TMTC4: variants seen among roughly 807,000 people sequenced by gnomAD.
The protein encoded by TMTC4 is protein O-mannosyl-transferase TMTC4.
In TMTC4, 65 loss-of-function variants were observed where a neutral mutation model predicts 86.0. The observed-to-expected ratio is 0.76, with a 90% CI of 0.62 to 0.93. The LOEUF is 0.93. Ranked by LOEUF, TMTC4 falls within the 40% of genes least tolerant of loss-of-function variation. The probability of loss-of-function intolerance (pLI) is 0.00; values close to 1 mark genes in which losing one functional copy is unlikely to be tolerated. For missense variants in TMTC4, 866 were observed against 948.1 expected, an observed-to-expected ratio of 0.91 and a Z score of 1.14; for synonymous variants, 379 against 382.5, an observed-to-expected ratio of 0.99 and a Z score of 0.11.
At chr13:100,632,938 C>G (rs1295153170) in intron 12 of TMTC4, among the ~76,000 whole-genome samples, 6 of 152,116 alleles carry the variant, frequency 3.9e-5, no homozygotes, top group Non-Finnish European at 8.8e-5. Flanking sequence ...TTCTTCTAAC[C>G]TAACCCCTTG....
chr13:100,634,695 G>T (rs1018027678), intron 12 of TMTC4, 110 bp downstream of exon 12: 7 of 1,327,064 alleles, frequency 5.3e-6, no homozygotes, highest in Non-Finnish European at 7.0e-6. Flanking sequence ...CAAGTATTCG[G>T]TCATGGTCTT....
chr13:100,660,414 C>T (rs1296750450), intron 5 of TMTC4, among the ~76,000 whole-genome samples: 1 of 151,958 alleles, frequency 6.6e-6, no homozygotes, highest in East Asian at 1.9e-4. Context: ...TTACTGTCTC[C>T]TAATAAATGT....
intron 12 of TMTC4, among the ~76,000 whole-genome samples, chr13:100,632,132 A>G (rs1881539308): frequency 6.6e-6 from 1 of 150,712 alleles, no homozygotes; most frequent in Non-Finnish European, 1.5e-5. Context: ...CCACAAGCAC[A>G]CGCCCTGTGT....
At chr13:100,625,936 A>C in intron 13 of TMTC4, 44 bp from the exon 14 acceptor site, 1 of 1,600,456 alleles carries the variant, frequency 6.2e-7, no homozygotes, top group Non-Finnish European at 8.5e-7. Context: ...AATGCTCAAT[A>C]GTAAGTTTTT....
intron 5 of TMTC4, among the ~76,000 whole-genome samples, chr13:100,659,448 A>G (rs1347356958): frequency 6.6e-6 from 1 of 152,060 alleles, no homozygotes; most frequent in Non-Finnish European, 1.5e-5. Flanking sequence ...CAGAACTCTT[A>G]AGGGGGCCTG....
At chr13:100,661,294 CGT>C (rs771147429) in intron 5 of TMTC4, among the ~76,000 whole-genome samples, 3 of 152,102 alleles carry the variant, frequency 2.0e-5, no homozygotes, top group Non-Finnish European at 4.4e-5. Flanking sequence ...AGAATGTGTG[CGT>C]GTGAGTGTGT....
chr13:100,639,465 G>C (rs1011955813), intron 7 of TMTC4, among the ~76,000 whole-genome samples: 1 of 152,250 alleles, frequency 6.6e-6, no homozygotes, highest in African/African-American at 2.4e-5. Context: ...CTGCAGGACA[G>C]TTACCAAGGG....
chr13:100,653,901 A>G (rs994303931), intron 6 of TMTC4, among the ~76,000 whole-genome samples: 1 of 152,206 alleles, frequency 6.6e-6, no homozygotes, highest in South Asian at 2.1e-4. Flanking sequence ...AGCCTGGATG[A>G]GCAGAAGATG....
rs16957539 is a variant in TMTC4 at position 100,647,951 on chromosome 13, C to A, written c.641-5640G>T. 6.2e-3 allele frequency among the ~76,000 whole-genome samples: 939 copies of A among 152,314 alleles called. 9 individuals are homozygous for A. Among genetic ancestry groups the A allele is most frequent in the African/African-American group, 0.021 (888 of 41,558 alleles). The stretch of plus-strand genomic sequence containing the variant: ...CTCATAATTTCACCACACTCTCAAA[C>A]TCTAAACTCCACCTCTCCCATCCTC... On this transcript the variant is annotated intron_variant, in intron 6 of 18. Coordinates refer to ENST00000342624, the MANE Select transcript of TMTC4 (RefSeq NM_032813.5).
chr13:100,630,494 C>G (rs1249186097), intron 12 of TMTC4, among the ~76,000 whole-genome samples: 3 of 152,156 alleles, frequency 2.0e-5, no homozygotes, highest in African/African-American at 7.2e-5. Context: ...TCAGTTAATG[C>G]TATCGCTGAA....
At chr13:100,633,373 C>T (rs946652915) in intron 12 of TMTC4, among the ~76,000 whole-genome samples, 3 of 149,996 alleles carry the variant, frequency 2.0e-5, no homozygotes, top group African/African-American at 4.9e-5. Context: ...TACTGCTGGC[C>T]ACCGTGTGAG....
chr13:100,634,210 G>C (rs1251640667), intron 12 of TMTC4, among the ~76,000 whole-genome samples: 1 of 151,382 alleles, frequency 6.6e-6, no homozygotes, highest in Non-Finnish European at 1.5e-5. Flanking sequence ...TTTGCTGACT[G>C]AAACACTGTT....
chr13:100,613,741 TAAAG>T (rs1024694228), intron 16 of TMTC4, among the ~76,000 whole-genome samples: 6 of 151,900 alleles, frequency 3.9e-5, no homozygotes, highest in African/African-American at 1.5e-4. Flanking sequence ...CCAGTATGTC[TAAAG>T]AAATTCCTTC....
chr13:100,614,532 A>G, intron 15 of TMTC4, 102 bp from the exon 16 acceptor site: 1 of 956,584 alleles, frequency 1.0e-6, no homozygotes, highest in Non-Finnish European at 1.5e-6. Flanking sequence ...AGCCCAACAA[A>G]CAACAATAAA....
In TMTC4 at chr13:100,661,447, C is replaced by T. The variant is rs111236329; in HGVS notation, c.552+1517G>A. ...GTATTTCATTTTGCTTTTAAGATCA[C>T]GCTAAATTAGACGAGAAGGAAGACA... is the stretch of plus-strand genomic sequence containing the variant. On this transcript the variant is annotated intron_variant, in intron 5 of 18. Coordinates refer to ENST00000342624, the MANE Select transcript of TMTC4 (RefSeq NM_032813.5). Among the ~76,000 whole-genome samples the T allele has an allele frequency of 2.0e-3, 297 of 152,280 alleles. 2 individuals are homozygous for T. The highest frequency in any genetic ancestry group is 6.7e-3 in the African/African-American group (280 of 41,554).
Position 100,668,671 on chromosome 13 carries a change from A to C in TMTC4, c.127T>G (p.Leu43Val). ...ACAATGGCAACCGATCCCACTACTA[A>C]CTTAGCCCAGAATGGAGGAAGAACA... is the stretch of plus-strand genomic sequence containing the variant. ...SSVLPPFWAKLVVGSVAIVCF... is the reference protein window; with the variant it reads ...SSVLPPFWAKVVVGSVAIVCF... Residue 43 changes from leucine (L) to valine (V), a missense_variant, in exon 3 of 19, where the codon TTA becomes GTA. Physicochemically the swap from Leu to Val is conservative, Grantham distance 32. Coordinates refer to ENST00000342624, the MANE Select transcript of TMTC4 (RefSeq NM_032813.5). 4 of 1,614,224 alleles carry C rather than the reference A, an allele frequency of 2.5e-6. No homozygotes were observed. Among genetic ancestry groups the C allele is most frequent in the Non-Finnish European group, 3.4e-6 (4 of 1,180,040 alleles).
At chr13:100,614,861 T>C (rs1878220436) in intron 15 of TMTC4, 4 of 938,670 alleles carry the variant, frequency 4.3e-6, no homozygotes, top group Middle Eastern at 5.4e-4. Context: ...AGTTCATTGT[T>C]GATAAAGTAT....
At chr13:100,655,421 A>G (rs1356130527) in intron 6 of TMTC4, among the ~76,000 whole-genome samples, 2 of 152,214 alleles carry the variant, frequency 1.3e-5, no homozygotes, top group African/African-American at 2.4e-5. Context: ...ACTTTTGAAA[A>G]GGAAGAACCA....
At position 100,642,295 on chromosome 13, in the gene TMTC4, C is replaced by T. The variant is rs373303346; in HGVS notation, c.657G>A (p.Ala219=). ...KAFRESNKEG[A]HSSTFWVLLS... is the part of the protein sequence containing the mutation. ...GCAGCACCCAGAAGGTGGAAGAATG[C>T]GCTCCCTCCTTGTTACCTGCCAATT... Residue 219 remains alanine (A), a synonymous_variant, in exon 7 of 19, where the codon GCG becomes GCA. Transcript: ENST00000342624. 301 of 1,614,058 alleles carry T rather than the reference C, an allele frequency of 1.9e-4. No individual in the cohort carries two copies. Among genetic ancestry groups the T allele is most frequent in the Non-Finnish European group, 2.4e-4 (281 of 1,180,032 alleles).
Sources: gnomAD v4.1 joint callset for allele counts (sites outside exome capture counted in the v4.1 genomes callset) on GRCh38, gnomAD v4.1.1 for gene constraint, MANE v1.5 for transcripts, NCBI Gene and HGNC (gene_info 2026-07-23, HGNC 2026-07-21) for gene names.